The following MYLK variants were observed in gnomAD, a reference collection of about 807,000 sequenced individuals.
MYLK encodes myosin light chain kinase.
In MYLK, 106 loss-of-function variants were observed where a neutral mutation model predicts 203.4. That is an observed-to-expected ratio of 0.52 (90% CI 0.45 to 0.61). The LOEUF is 0.61. Ranked by LOEUF, MYLK falls within the 20% of genes least tolerant of loss-of-function variation. MYLK has a pLI of 0.00. For missense variants in MYLK, 2,072 were observed against 2,442.3 expected, an observed-to-expected ratio of 0.85 and a Z score of 3.20; for synonymous variants, 867 against 959.5, an observed-to-expected ratio of 0.90 and a Z score of 1.78.
At chr3:123,778,314 T>G (rs1263141538) in intron 4 of MYLK, among the ~76,000 whole-genome samples, 1 of 151,914 alleles carries the variant, frequency 6.6e-6, no homozygotes, top group East Asian at 1.9e-4. Flanking sequence ...GAGATAATGG[T>G]GATAATAAGA....
Position 123,614,028 on chromosome 3 carries a change from GTTTTTT to G in MYLK, c.*71_*76del. Reference sequence around the variant, plus strand: ...ACACTAGGTGCTTTTACTATCTTGAGTTTTTTTTTTTTTTTTGAGTTTTAGAGAAAT... The same window carrying G: ...ACACTAGGTGCTTTTACTATCTTGAGTTTTTTTTTTGAGTTTTAGAGAAAT... On this transcript the variant is annotated 3_prime_UTR_variant, in exon 34 of 34. Transcript: ENST00000360304. The G allele has an allele frequency of 6.2e-6, 8 of 1,291,578 alleles. No individual in the cohort carries two copies. Among genetic ancestry groups the G allele is most frequent in the Non-Finnish European group, 8.6e-6 (8 of 932,596 alleles). 80.0% of individuals were successfully genotyped at this position (1,291,578 alleles called of 1,614,324 possible).
intron 1 of MYLK, among the ~76,000 whole-genome samples, chr3:123,879,657 C>T (rs138371955): frequency 4.7e-4 from 71 of 152,172 alleles, no homozygotes; most frequent in African/African-American, 1.5e-3. Context: ...TTTCTTGAGA[C>T]GGGGTCTCAC....
At chr3:123,643,723 G>A (rs2058914905) in intron 27 of MYLK, among the ~76,000 whole-genome samples, 1 of 152,246 alleles carries the variant, frequency 6.6e-6, no homozygotes, top group South Asian at 2.1e-4. Flanking sequence ...CCTATCCTAA[G>A]GAATCAGATT....
At chr3:123,833,187 CTGTT>C (rs376214572) in intron 2 of MYLK, among the ~76,000 whole-genome samples, 369 of 152,210 alleles carry the variant, frequency 2.4e-3, no homozygotes, top group African/African-American at 8.2e-3. Flanking sequence ...TCCCTGTAAT[CTGTT>C]TGGCCACAGG....
chr3:123,666,625 A>G (rs2059743869), intron 21 of MYLK, among the ~76,000 whole-genome samples: 1 of 152,200 alleles, frequency 6.6e-6, no homozygotes, highest in African/African-American at 2.4e-5. Flanking sequence ...GACTTACCCT[A>G]ATTTTTTGAA....
chr3:123,680,456 G>A (rs1256302253), intron 20 of MYLK, among the ~76,000 whole-genome samples: 1 of 152,206 alleles, frequency 6.6e-6, no homozygotes, highest in African/African-American at 2.4e-5. Flanking sequence ...TCCATACCAA[G>A]TATAGCACAG....
chr3:123,744,596 A>G (rs2062959287), intron 5 of MYLK, among the ~76,000 whole-genome samples: 1 of 152,218 alleles, frequency 6.6e-6, no homozygotes, highest in South Asian at 2.1e-4. Context: ...GGGGTTGAGT[A>G]GTAAGAAAAT....
Position 123,647,497 on chromosome 3 carries a change from AT to A in MYLK, c.4416-71del. ...CTTTCCGCTAACTTGGGGTTGGCAA[AT>A]TATGGCCCATGGGACAGATCTGGCC... On this transcript the variant is annotated intron_variant, in intron 26 of 33. Coordinates refer to ENST00000360304, the MANE Select transcript of MYLK (RefSeq NM_053025.4). 3.0e-6 allele frequency: 4 copies of A among 1,354,564 alleles called. No individual in the cohort carries two copies. The Admixed American group carries it at 6.8e-5, about 23-fold the overall frequency. The allele number at this position is 1,354,564 out of a possible 1,614,324, so 83.9% of individuals were successfully genotyped here.
intron 13 of MYLK, among the ~76,000 whole-genome samples, chr3:123,715,307 C>T (rs1262640015): frequency 1.3e-5 from 2 of 152,210 alleles, no homozygotes; most frequent in African/African-American, 2.4e-5. Context: ...TGGCCTGGTG[C>T]TGCTGCTGAT....
chr3:123,821,877 C>T (rs77381977), intron 3 of MYLK, among the ~76,000 whole-genome samples: 16,676 of 152,074 alleles, frequency 0.11, 2,078 homozygotes, highest in East Asian at 0.44. Context: ...GAATGTGTCC[C>T]CCAGAATTCA....
At chr3:123,632,218 A>G (rs1178281707) in intron 29 of MYLK, among the ~76,000 whole-genome samples, 1 of 151,888 alleles carries the variant, frequency 6.6e-6, no homozygotes, top group Non-Finnish European at 1.5e-5. Context: ...TAGATTTCCT[A>G]GGGGCCTCCC....
intron 3 of MYLK, among the ~76,000 whole-genome samples, chr3:123,820,831 C>T (rs1421013242): frequency 6.6e-6 from 1 of 152,158 alleles, no homozygotes; most frequent in Admixed American, 6.5e-5. Context: ...TCAGGCAATT[C>T]TCCTGTCTCA....
intron 18 of MYLK, among the ~76,000 whole-genome samples, chr3:123,699,131 G>C (rs968019133): frequency 1.3e-5 from 2 of 152,028 alleles, no homozygotes; most frequent in African/African-American, 4.8e-5. Context: ...CTATCCCTCC[G>C]CTGGCTGCCA....
chr3:123,882,504 G>T (rs968443716), intron 1 of MYLK, among the ~76,000 whole-genome samples: 1 of 152,224 alleles, frequency 6.6e-6, no homozygotes, highest in African/African-American at 2.4e-5. Flanking sequence ...TTACACAAAA[G>T]AAACTGAACA....
intron 31 of MYLK, chr3:123,621,231 A>T (rs1039386762): frequency 1.3e-5 from 2 of 152,210 alleles, no homozygotes; most frequent in South Asian, 4.1e-4. Flanking sequence ...TCTTTCAGTA[A>T]GTTTTTCACC....
At chr3:123,768,592 G>A (rs1401685221) in intron 4 of MYLK, among the ~76,000 whole-genome samples, 1 of 152,228 alleles carries the variant, frequency 6.6e-6, no homozygotes, top group Non-Finnish European at 1.5e-5. Context: ...TTAGGTACTG[G>A]GGACCCAGAT....
chr3:123,841,520 G>A (rs1430134662), intron 2 of MYLK, among the ~76,000 whole-genome samples: 1 of 152,058 alleles, frequency 6.6e-6, no homozygotes, highest in Admixed American at 6.6e-5. Context: ...CTTAGTCCTT[G>A]CCTCATTAAT....
Position 123,614,102 on chromosome 3 carries a change from G to GT in MYLK, c.*2dup, listed in dbSNP as rs1157173624. 1.3e-6 allele frequency: 2 copies of GT among 1,580,928 alleles called. No individual in the cohort carries two copies. The highest frequency in any genetic ancestry group is 1.7e-6 in the Non-Finnish European group (2 of 1,162,694). ...TTAGAAACTGCTTTTCTCTGGCTTT[G>GT]TTTCACTCTTCTTCCTCTTCCCCTT... On this transcript the variant is annotated 3_prime_UTR_variant, in exon 34 of 34. Coordinates refer to ENST00000360304, the MANE Select transcript of MYLK (RefSeq NM_053025.4).
chr3:123,700,234 C>T lies in MYLK; in HGVS notation c.3234G>A (p.Lys1078=), dbSNP rs1379860707. Residue 1078 remains lysine, a synonymous_variant, in exon 18 of 34, where the codon AAG becomes AAA. Coordinates refer to ENST00000360304, the MANE Select transcript of MYLK (RefSeq NM_053025.4). ...TATCTGTGGTCCCTGCATGGCCTCTCTTGCAGTTCACATCATTCTTAACGT... is the reference window on the plus strand; with the variant it reads ...TATCTGTGGTCCCTGCATGGCCTCTTTTGCAGTTCACATCATTCTTAACGT... ...KKDVKNDVNC[K]RGHAGTTDNE... is the part of the protein sequence containing the mutation. 11 of 1,613,762 alleles carry T rather than the reference C, an allele frequency of 6.8e-6. No homozygotes were observed. Among genetic ancestry groups the T allele is most frequent in the Non-Finnish European group, 8.5e-6 (10 of 1,180,032 alleles).
Sources: gnomAD v4.1 joint callset for allele counts (sites outside exome capture counted in the v4.1 genomes callset) on GRCh38, gnomAD v4.1.1 for gene constraint, MANE v1.5 for transcripts, NCBI Gene and HGNC (gene_info 2026-07-23, HGNC 2026-07-21) for gene names.